Variants in GRAMD1C observed in about 807,000 individuals in gnomAD.
The protein encoded by GRAMD1C is protein Aster-C.
Under a neutral mutation model 97.8 loss-of-function variants are expected in GRAMD1C, and 89 were observed. That is an observed-to-expected ratio of 0.91 (90% confidence interval 0.77 to 1.09). The LOEUF is 1.09. Among genes scored for constraint, GRAMD1C ranks in the 50% least tolerant of loss-of-function variants. The probability of loss-of-function intolerance (pLI) is 0.00; values close to 1 mark genes in which losing one functional copy is unlikely to be tolerated. For missense variants in GRAMD1C, 740 were observed against 766.4 expected, an observed-to-expected ratio of 0.97 and a Z score of 0.41; for synonymous variants, 256 against 267.0, an observed-to-expected ratio of 0.96 and a Z score of 0.40.
intron 2 of GRAMD1C, among the ~76,000 whole-genome samples, chr3:113,855,277 G>T (rs1472881971): frequency 6.6e-6 from 1 of 152,074 alleles, no homozygotes; most frequent in Non-Finnish European, 1.5e-5. Flanking sequence ...TGCCATTGCA[G>T]TCCAGCCTGG....
Position 113,935,555 on chromosome 3 carries a change from T to C in GRAMD1C, c.1457-711T>C, listed in dbSNP as rs150835010. Among the ~76,000 whole-genome samples the C allele has an allele frequency of 2.8e-4, 42 of 151,980 alleles. 1 individual carries two copies. The East Asian group carries it at 3.7e-3, about 13-fold the overall frequency. On this transcript the variant is annotated intron_variant, in intron 13 of 17. Coordinates refer to ENST00000358160, the MANE Select transcript of GRAMD1C (RefSeq NM_017577.5). ...ATATATACGTGTGTGTATATATATATACACATATATATACACAAGCATAAT... is the reference window on the plus strand; with the variant it reads ...ATATATACGTGTGTGTATATATATACACACATATATATACACAAGCATAAT...
intron 5 of GRAMD1C, among the ~76,000 whole-genome samples, chr3:113,878,730 C>T (rs1178762558): frequency 6.6e-6 from 1 of 152,136 alleles, no homozygotes; most frequent in Non-Finnish European, 1.5e-5. Context: ...CCTTCCGTGG[C>T]TATGAGAAAC....
Position 113,940,258 on chromosome 3 carries a change from G to C in GRAMD1C, c.1821G>C (p.Val607=). Residue 607 remains valine (V), a synonymous_variant, in exon 17 of 18, where the codon GTG becomes GTC. Coordinates refer to ENST00000358160, the MANE Select transcript of GRAMD1C (RefSeq NM_017577.5). ...EKSLNLASDM[V]SRAETIQKNK... is the part of the protein sequence containing the mutation. Reference sequence around the variant, plus strand: ...CTTTCAGTTTAGCCTCTGATATGGTGTCAAGAGCAGAAACTATTCAGAAGA... The same window carrying C: ...CTTTCAGTTTAGCCTCTGATATGGTCTCAAGAGCAGAAACTATTCAGAAGA... 6.2e-7 allele frequency: 1 copy of C among 1,601,514 alleles called. No individual in the cohort carries two copies. Among genetic ancestry groups the C allele is most frequent in the Non-Finnish European group, 8.6e-7 (1 of 1,168,498 alleles).
intron 10 of GRAMD1C, among the ~76,000 whole-genome samples, chr3:113,927,735 G>A (rs568629508): frequency 6.6e-6 from 1 of 152,332 alleles, no homozygotes; most frequent in East Asian, 1.9e-4. Flanking sequence ...CTGTCAAGGT[G>A]TTTCCTGGGG....
intron 1 of GRAMD1C, among the ~76,000 whole-genome samples, chr3:113,829,603 A>G (rs1478377479): frequency 6.6e-6 from 1 of 152,228 alleles, no homozygotes; most frequent in Non-Finnish European, 1.5e-5. Flanking sequence ...AAGTTGCAAG[A>G]ATAGTGCAAA....
At chr3:113,905,808 G>A (rs1228475962) in intron 8 of GRAMD1C, among the ~76,000 whole-genome samples, 3 of 151,912 alleles carry the variant, frequency 2.0e-5, no homozygotes, top group Admixed American at 1.3e-4. Context: ...CAATTCTTCT[G>A]GCTCAGCCTC....
At position 113,901,139 on chromosome 3, in the gene GRAMD1C, C is replaced by T. The variant is rs761641860; in HGVS notation, c.649C>T (p.Gln217Ter). Reference protein sequence around the residue: ...ENLSLSIEDVQPRSPGRSSLD... With the variant: ...ENLSLSIEDV ...CTTGTCACTGTCGATTGAGGATGTG[C>T]AGCCAAGGTACAGCAAAATGTTTTG... The change falls in exon 7 of 18, where the codon CAG (glutamine) becomes TAG (stop). Residue 217 changes from glutamine (Q) to a stop codon, truncating the protein, a stop_gained. Coordinates refer to ENST00000358160, the MANE Select transcript of GRAMD1C (RefSeq NM_017577.5). LOFTEE classifies it high-confidence loss of function. 6.5e-7 allele frequency: 1 copy of T among 1,534,710 alleles called. No individual in the cohort carries two copies. Among genetic ancestry groups the T allele is most frequent in the South Asian group, 1.1e-5 (1 of 89,226 alleles).
At chr3:113,894,598 C>T (rs2107433406) in intron 6 of GRAMD1C, among the ~76,000 whole-genome samples, 1 of 152,158 alleles carries the variant, frequency 6.6e-6, no homozygotes, top group African/African-American at 2.4e-5. Flanking sequence ...TTTATCTTAG[C>T]AAGGTAATAG....
In GRAMD1C at chr3:113,939,948, C is replaced by T. The variant is rs1937688739; in HGVS notation, c.1754C>T (p.Ala585Val). The T allele has an allele frequency of 6.2e-7, 1 of 1,610,014 alleles. No homozygotes were observed. Among genetic ancestry groups the T allele is most frequent in the African/African-American group, 1.3e-5 (1 of 74,844 alleles). Residue 585 changes from alanine (A) to valine (V), a missense_variant, in exon 16 of 18, where the codon GCT becomes GTT. Coordinates refer to ENST00000358160, the MANE Select transcript of GRAMD1C (RefSeq NM_017577.5). ...CTGAAGCTGTCAAAGATAGAACATG[C>T]TGCTCAGTCCTTTTACCGTCTCCGC... ...LFLKLSKIEH[A>V]AQSFYRLRLQ...
At chr3:113,868,520 T>G (rs1009198750) in intron 2 of GRAMD1C, among the ~76,000 whole-genome samples, 1 of 152,242 alleles carries the variant, frequency 6.6e-6, no homozygotes, top group Non-Finnish European at 1.5e-5. Context: ...CTGTTTGTCC[T>G]GTGGCATGTG....
intron 2 of GRAMD1C, among the ~76,000 whole-genome samples, chr3:113,861,743 A>G (rs1227225994): frequency 1.3e-5 from 2 of 152,202 alleles, no homozygotes; most frequent in Admixed American, 1.3e-4. Context: ...AAACACATGA[A>G]AACATGTCCA....
chr3:113,905,781 C>T (rs755694183), intron 8 of GRAMD1C, among the ~76,000 whole-genome samples: 123 of 152,010 alleles, frequency 8.1e-4, no homozygotes, highest in Non-Finnish European at 1.4e-3. Context: ...CTGCAGCCTC[C>T]GCCTCCTGGG....
intron 9 of GRAMD1C, 80 bp downstream of exon 9, chr3:113,909,200 G>A (rs1043131604): frequency 3.1e-6 from 2 of 645,130 alleles, no homozygotes; most frequent in East Asian, 3.4e-5. Flanking sequence ...TGTGCAGATT[G>A]AGAATTTAGT....
At chr3:113,925,598 T>A (rs990742451) in intron 10 of GRAMD1C, among the ~76,000 whole-genome samples, 1 of 152,242 alleles carries the variant, frequency 6.6e-6, no homozygotes, top group Admixed American at 6.5e-5. Flanking sequence ...AATATTGATA[T>A]ATGTGGATTT....
intron 2 of GRAMD1C, among the ~76,000 whole-genome samples, chr3:113,851,798 C>T (rs553851211): frequency 6.6e-6 from 1 of 152,134 alleles, no homozygotes; most frequent in Admixed American, 6.5e-5. Context: ...GATTGCAGGC[C>T]TGAACCACTG....
intron 8 of GRAMD1C, among the ~76,000 whole-genome samples, chr3:113,905,391 C>G (rs1351030039): frequency 6.6e-6 from 1 of 152,186 alleles, no homozygotes; most frequent in African/African-American, 2.4e-5. Flanking sequence ...AGACCATATT[C>G]TGAGTACTAG....
At chr3:113,886,001 C>T in intron 6 of GRAMD1C, 1 of 1,573,902 alleles carries the variant, frequency 6.4e-7, no homozygotes, top group Non-Finnish European at 8.7e-7. Flanking sequence ...CTGTGCTGAG[C>T]CGAAACCTTC....
At chr3:113,863,874 C>T (rs1169580526) in intron 2 of GRAMD1C, among the ~76,000 whole-genome samples, 1 of 152,174 alleles carries the variant, frequency 6.6e-6, no homozygotes, top group Non-Finnish European at 1.5e-5. Context: ...AGGCTCTCTG[C>T]ACCTCTGCCC....
At chr3:113,919,275 AATG>A (rs1237024830) in intron 10 of GRAMD1C, 1 of 445,676 alleles carries the variant, frequency 2.2e-6, no homozygotes, top group East Asian at 6.7e-5. Context: ...ATATGTCTTT[AATG>A]ATGGAGAAGC....
Sources: gnomAD v4.1 joint callset for allele counts (sites outside exome capture counted in the v4.1 genomes callset) on GRCh38, gnomAD v4.1.1 for gene constraint, MANE v1.5 for transcripts, NCBI Gene and HGNC (gene_info 2026-07-23, HGNC 2026-07-21) for gene names.